ZSCAN18: variants seen among roughly 807,000 people sequenced by gnomAD.
ZSCAN18 encodes the protein zinc finger and SCAN domain-containing protein 18.
Under a neutral mutation model 31.1 loss-of-function variants are expected in ZSCAN18, and 16 were observed. That is an observed-to-expected ratio of 0.51 (90% CI 0.35 to 0.78). The LOEUF (loss-of-function observed/expected upper bound fraction) is 0.78. Ranked by LOEUF, ZSCAN18 falls within the 30% of genes least tolerant of loss-of-function variation. The pLI is 0.01. For synonymous variants in ZSCAN18, 375 were observed against 320.7 expected, an observed-to-expected ratio of 1.17 and a Z score of -1.81; for missense variants, 731 against 697.4, an observed-to-expected ratio of 1.05 and a Z score of -0.54.
Position 58,084,537 on chromosome 19 carries a change from T to C in ZSCAN18, c.*148A>G. ...GTGGACCCTTCTCGTTGGGAGCGCT[T>C]AGCCTCAGGAGCGGATTCAGGGCAC... On this transcript the variant is annotated 3_prime_UTR_variant, in exon 7 of 7. Transcript: ENST00000601144. This position sits in a 1 kb window ranked among gnomAD's most constrained non-coding sequence, Gnocchi z 4.5. The C allele has an allele frequency of 1.3e-6, 1 of 769,654 alleles. No homozygotes were observed. The highest frequency in any genetic ancestry group is 3.2e-5 in the East Asian group (1 of 31,694). The allele number at this position is 769,654 out of a possible 1,614,324, so 47.7% of individuals were successfully genotyped here.
At chr19:58,118,281 G>C (rs777779085) in exon 1 of ZSCAN18, 1 of 1,489,052 alleles carries the variant, frequency 6.7e-7, no homozygotes. Flanking sequence ...ACTAGGCCTT[G>C]GCTCCGCGAC....
intron 1 of ZSCAN18, among the ~76,000 whole-genome samples, chr19:58,115,697 G>T (rs2074723930): frequency 6.6e-6 from 1 of 152,182 alleles, no homozygotes; most frequent in Admixed American, 6.5e-5. Flanking sequence ...AGATGTGGTG[G>T]ATCCACACTG....
At chr19:58,098,349 T>C (rs2074562406), upstream of ZSCAN18, 4 of 985,390 alleles carry the variant, frequency 4.1e-6, no homozygotes, top group Non-Finnish European at 4.8e-6. Flanking sequence ...ACAGTGCGCA[T>C]GGCCAATCAG....
intron 1 of ZSCAN18, among the ~76,000 whole-genome samples, chr19:58,111,460 C>G (rs2074682782): frequency 2.6e-5 from 4 of 152,138 alleles, no homozygotes; most frequent in Non-Finnish European, 5.9e-5. Context: ...AATCCTCTGC[C>G]TCAGTCTCCA....
At chr19:58,107,877 G>C (rs1325875045) in intron 1 of ZSCAN18, 2 of 1,061,588 alleles carry the variant, frequency 1.9e-6, no homozygotes, top group Admixed American at 8.4e-5. Context: ...CTTGTGCTTG[G>C]TCAGACAGGA....
chr19:58,115,467 G>C (rs1359936365), intron 1 of ZSCAN18, among the ~76,000 whole-genome samples: 2 of 152,150 alleles, frequency 1.3e-5, no homozygotes, highest in Non-Finnish European at 2.9e-5. Flanking sequence ...TGAGCCTTGG[G>C]TGCATTTACT....
chr19:58,109,895 G>C (rs958069668), intron 1 of ZSCAN18, among the ~76,000 whole-genome samples: 1 of 152,104 alleles, frequency 6.6e-6, no homozygotes, highest in African/African-American at 2.4e-5. Context: ...GAAGGATAGT[G>C]AATAAATATC....
chr19:58,111,905 C>G (rs928632727), intron 1 of ZSCAN18, among the ~76,000 whole-genome samples: 1 of 152,090 alleles, frequency 6.6e-6, no homozygotes, highest in African/African-American at 2.4e-5. Flanking sequence ...TTTCAACATG[C>G]GAAAATTAGT....
chr19:58,100,221 C>T (rs146042562), upstream of ZSCAN18, among the ~76,000 whole-genome samples: 303 of 152,190 alleles, frequency 2.0e-3, 5 homozygotes, highest in East Asian at 0.055. Context: ...TCCCAAAGTG[C>T]TGGGATTACA....
At chr19:58,114,654 G>A (rs1008005436) in intron 1 of ZSCAN18, among the ~76,000 whole-genome samples, 5 of 151,734 alleles carry the variant, frequency 3.3e-5, no homozygotes, top group South Asian at 2.1e-4. Flanking sequence ...ATATATACAC[G>A]TATGCACAAA....
chr19:58,092,823 G>A (rs186962894), intron 1 of ZSCAN18: 1 of 580,034 alleles, frequency 1.7e-6, no homozygotes, highest in African/African-American at 2.0e-5. Flanking sequence ...ACCCAGGCTG[G>A]AGTGCAGTAG....
At chr19:58,095,220 T>C (rs2074498599) in intron 1 of ZSCAN18, among the ~76,000 whole-genome samples, 1 of 152,160 alleles carries the variant, frequency 6.6e-6, no homozygotes, top group Non-Finnish European at 1.5e-5. Flanking sequence ...CCTGCAGGCA[T>C]GTAATTTTGG....
At chr19:58,094,495 T>C (rs1297907579) in intron 1 of ZSCAN18, among the ~76,000 whole-genome samples, 1 of 151,988 alleles carries the variant, frequency 6.6e-6, no homozygotes, top group Non-Finnish European at 1.5e-5. Flanking sequence ...AGTCTCAGTT[T>C]CAACTACTCA....
chr19:58,106,965 A>C (rs1469815579), intron 1 of ZSCAN18, among the ~76,000 whole-genome samples: 1 of 151,578 alleles, frequency 6.6e-6, no homozygotes, highest in Non-Finnish European at 1.5e-5. Flanking sequence ...AGGTTTCAGC[A>C]TGTTGGTCAG....
chr19:58,106,990 C>A (rs1248269703), intron 1 of ZSCAN18, among the ~76,000 whole-genome samples: 2 of 151,572 alleles, frequency 1.3e-5, no homozygotes, highest in Non-Finnish European at 1.5e-5. Flanking sequence ...GTCTCGAAAT[C>A]CTGACCTCGT....
chr19:58,091,284 GAT>G (rs1023634872), intron 1 of ZSCAN18, among the ~76,000 whole-genome samples: 8 of 137,478 alleles, frequency 5.8e-5, no homozygotes, highest in African/African-American at 2.1e-4. Flanking sequence ...AAAAAAAAAA[GAT>G]AGATTATAGG....
upstream of ZSCAN18, among the ~76,000 whole-genome samples, chr19:58,100,878 AAAAAAAG>A (rs1229873465): frequency 1.3e-5 from 2 of 152,090 alleles, no homozygotes; most frequent in African/African-American, 4.8e-5. Flanking sequence ...CCATCTAAAA[AAAAAAAG>A]AAAAAAGATG....
chr19:58,097,979 A>T, intron 1 of ZSCAN18, 195 bp downstream of exon 1: 2 of 983,914 alleles, frequency 2.0e-6, no homozygotes, highest in Non-Finnish European at 2.4e-6. Flanking sequence ...CTCCGGGGGG[A>T]CCCGGCCCCT....
upstream of ZSCAN18, among the ~76,000 whole-genome samples, chr19:58,099,964 G>GTTTT (rs55769261): frequency 0.018 from 2,476 of 136,054 alleles, 80 homozygotes; most frequent in Non-Finnish European, 0.024. Context: ...TGAAAGCTAT[G>GTTTT]TTTTTTTTTT....
Sources: gnomAD v4.1 joint callset for allele counts (sites outside exome capture counted in the v4.1 genomes callset) on GRCh38, gnomAD v4.1.1 for gene constraint, Gnocchi (gnomAD v3.1) non-coding constraint, MANE v1.5 for transcripts, NCBI Gene and HGNC (gene_info 2026-07-23, HGNC 2026-07-21) for gene names.